The following CDHR1 variants were observed in gnomAD, a reference collection of about 807,000 sequenced individuals.
The protein encoded by CDHR1 is cadherin related family member 1, also known as cadherin-related family member 1.
Under a neutral mutation model 72.1 loss-of-function variants are expected in CDHR1, and 61 were observed. That is an observed-to-expected ratio of 0.85 (90% CI 0.69 to 1.05). The LOEUF is 1.05. Ranked by LOEUF, CDHR1 falls within the 50% of genes least tolerant of loss-of-function variation. The probability of loss-of-function intolerance (pLI) is 0.00; values close to 1 mark genes in which losing one functional copy is unlikely to be tolerated. For synonymous variants in CDHR1, 470 were observed against 448.1 expected (o/e 1.05, Z -0.62); for missense variants, 1,186 against 1,115.7 (o/e 1.06, Z -0.90).
chr10:84,206,578 C>T (rs1474480708), intron 10 of CDHR1, among the ~76,000 whole-genome samples: 1 of 152,198 alleles, frequency 6.6e-6, no homozygotes. Context: ...AGTAAGGAGC[C>T]ATTGGAAGGT....
intron 10 of CDHR1, 82 bp downstream of exon 10, chr10:84,206,009 C>A (rs2132815082): frequency 9.8e-7 from 1 of 1,025,250 alleles, no homozygotes; most frequent in Non-Finnish European, 1.5e-6. Context: ...GGCCCTTTTT[C>A]CTGGGGCCCA....
At chr10:84,206,330 GT>G (rs5786647) in intron 10 of CDHR1, among the ~76,000 whole-genome samples, 86,017 of 151,918 alleles carry the variant, frequency 0.57, 25,311 homozygotes, top group African/African-American at 0.74. Flanking sequence ...AGGAGGAAAC[GT>G]TGGACTCCCA....
intron 5 of CDHR1, among the ~76,000 whole-genome samples, chr10:84,200,025 C>T (rs1842094799): frequency 6.6e-6 from 1 of 152,112 alleles, no homozygotes; most frequent in Non-Finnish European, 1.5e-5. Context: ...ACAAAATTAG[C>T]CTGGCATGGT....
rs1343446810 is a variant in CDHR1 at position 84,218,403 on chromosome 10, T to G, written c.*3782T>G. 1.0e-6 allele frequency: 1 copy of G among 985,352 alleles called. No homozygotes were observed. The highest frequency in any genetic ancestry group is 6.1e-5 in the Admixed American group (1 of 16,266). The allele number at this position is 985,352 out of a possible 1,614,324, so 61.0% of individuals were successfully genotyped here. On this transcript the variant is annotated 3_prime_UTR_variant, in exon 17 of 17. Coordinates refer to ENST00000623527, the MANE Select transcript of CDHR1 (RefSeq NM_033100.4). ...GCCTGAATGAGGTTCGGTTATTTAT[T>G]CATTTCTCAATAATTTACTCAGCCA...
At position 84,213,190 on chromosome 10, in the gene CDHR1, G is replaced by C. The variant is rs896814669; in HGVS notation, c.1882G>C (p.Glu628Gln). 1 of 1,614,224 alleles carries C rather than the reference G, an allele frequency of 6.2e-7. No individual in the cohort carries two copies. The change falls in exon 16 of 17, where the codon GAG (glutamate) becomes CAG (glutamine). Residue 628 changes from glutamate (E) to glutamine (Q), a missense_variant. Coordinates refer to ENST00000623527, the MANE Select transcript of CDHR1 (RefSeq NM_033100.4). Reference protein sequence around the residue: ...NVFDINSHTGEIWLKNSIRSL... With the variant: ...NVFDINSHTGQIWLKNSIRSL... ...GTTCGACATCAATTCCCACACGGGG[G>C]AGATCTGGCTCAAGAATTCCATCCG...
chr10:84,200,965 G>A (rs1842114310), intron 6 of CDHR1, among the ~76,000 whole-genome samples: 1 of 152,198 alleles, frequency 6.6e-6, no homozygotes, highest in Non-Finnish European at 1.5e-5. Context: ...CCCAGGGGCT[G>A]CCACATGGGT....
intron 2 of CDHR1, among the ~76,000 whole-genome samples, chr10:84,196,299 C>G (rs1564655368): frequency 1.3e-5 from 2 of 152,226 alleles, no homozygotes; most frequent in Admixed American, 6.5e-5. Flanking sequence ...ATCATCACAA[C>G]CACCCGCTGT....
chr10:84,215,031 A>G lies in CDHR1; in HGVS notation c.*410A>G. The stretch of plus-strand genomic sequence containing the variant: ...CAGGGCCCTGGCCACGTGGAGCAAC[A>G]CTGACTAGAATCTGGATCCTGACGC... On this transcript the variant is annotated 3_prime_UTR_variant, in exon 17 of 17. Coordinates refer to ENST00000623527, the MANE Select transcript of CDHR1 (RefSeq NM_033100.4). The G allele has an allele frequency of 9.2e-7, 1 of 1,091,822 alleles. No individual in the cohort carries two copies. Among genetic ancestry groups the G allele is most frequent in the South Asian group, 2.7e-5 (1 of 36,900 alleles). 67.6% of individuals were successfully genotyped at this position (1,091,822 alleles called of 1,614,324 possible). A position where few individuals can be genotyped will look rare whatever the true frequency, so the allele number is the denominator to read the frequency against.
chr10:84,214,488 G>T lies in CDHR1; in HGVS notation c.2447G>T (p.Gly816Val). Residue 816 changes from glycine to valine, a missense_variant, in exon 17 of 17, where the codon GGC (glycine) becomes GTC (valine). Transcript: ENST00000623527. ...CAGTGGACCGTGCCTACTGTCTCTG[G>T]CTCTCTCACTCCGCAGCCGACCCAA... ...AAQWTVPTVS[G>V]SLTPQPTQPP... 6.2e-7 allele frequency: 1 copy of T among 1,607,622 alleles called. No homozygotes were observed.
chr10:84,207,022 G>A (rs773417501), intron 10 of CDHR1, among the ~76,000 whole-genome samples: 1 of 152,202 alleles, frequency 6.6e-6, no homozygotes, highest in Non-Finnish European at 1.5e-5. Flanking sequence ...GCCGTCAGGA[G>A]TACAGGACAG....
Position 84,204,511 on chromosome 10 carries a change from T to C in CDHR1, c.784-16T>C, listed in dbSNP as rs760455211. ...CATATTGCCCATCAGGCAGCGGCTG[T>C]TCCTGTTTCCCCGAGGGCTCGGAGG... On this transcript the variant is annotated splice_polypyrimidine_tract_variant and intron_variant, in intron 8 of 16. Coordinates refer to ENST00000623527, the MANE Select transcript of CDHR1 (RefSeq NM_033100.4). The C allele has an allele frequency of 1.3e-6, 2 of 1,597,738 alleles. No homozygotes were observed. Among genetic ancestry groups the C allele is most frequent in the East Asian group, 2.2e-5 (1 of 44,814 alleles).
chr10:84,203,836 G>A (rs918948549), intron 8 of CDHR1, among the ~76,000 whole-genome samples: 31 of 152,198 alleles, frequency 2.0e-4, no homozygotes, highest in African/African-American at 6.5e-4. Context: ...GTGGGCCAGC[G>A]TAGGCCCAGG....
At chr10:84,196,385 C>A in intron 2 of CDHR1, 120 bp from the exon 3 acceptor site, 2 of 1,100,128 alleles carry the variant, frequency 1.8e-6, no homozygotes, top group East Asian at 2.4e-5. Flanking sequence ...AGGGCAGTAC[C>A]TTTGGCACTG....
chr10:84,205,553 C>A (rs1314028941), intron 9 of CDHR1, among the ~76,000 whole-genome samples: 2 of 151,136 alleles, frequency 1.3e-5, no homozygotes. Flanking sequence ...CACGTGCACA[C>A]ATGCACATAT....
rs887414418 is a variant in CDHR1 at position 84,199,097 on chromosome 10, G to A, written c.414G>A (p.Glu138=). The change falls in exon 5 of 17, where the codon GAG becomes GAA. Residue 138 remains glutamate, a synonymous_variant. Transcript: ENST00000623527. ...ANDEAPRFIQ[E]PYVALVPEDI... is the part of the protein sequence containing the mutation. The stretch of plus-strand genomic sequence containing the variant: ...ATGAGGCGCCCAGGTTCATCCAGGA[G>A]CCTTATGTTGCCCTGGTTCCCGAGG... The A allele has an allele frequency of 5.2e-6, 8 of 1,551,250 alleles. No homozygotes were observed. In the African/African-American group the frequency reaches 8.2e-5, roughly 16 times the overall value.
chr10:84,199,142 G>A, intron 5 of CDHR1, 21 bp downstream of exon 5: 1 of 1,546,894 alleles, frequency 6.5e-7, no homozygotes, highest in Non-Finnish European at 8.7e-7. Context: ...AGCTGCTAGA[G>A]GGGCTGATTT....
chr10:84,218,179 C>T lies in CDHR1; in HGVS notation c.*3558C>T, dbSNP rs1842456604. 1.0e-6 allele frequency: 1 copy of T among 985,316 alleles called. No homozygotes were observed. Among genetic ancestry groups the T allele is most frequent in the Non-Finnish European group, 1.2e-6 (1 of 829,954 alleles). The allele number at this position is 985,316 out of a possible 1,614,324, so 61.0% of individuals were successfully genotyped here. A position where few individuals can be genotyped will look rare whatever the true frequency, so the allele number is the denominator to read the frequency against. On this transcript the variant is annotated 3_prime_UTR_variant, in exon 17 of 17. Coordinates refer to ENST00000623527, the MANE Select transcript of CDHR1 (RefSeq NM_033100.4). ...GCCACATGAGGAATGAGGCAGGAGA[C>T]TGGCATGTGCCACATGGAGGACCCC...
Position 84,215,076 on chromosome 10 carries a change from C to A in CDHR1, c.*455C>A. 1 of 1,060,986 alleles carries A rather than the reference C, an allele frequency of 9.4e-7. No individual in the cohort carries two copies. Among genetic ancestry groups the A allele is most frequent in the Non-Finnish European group, 1.1e-6 (1 of 875,218 alleles). 65.7% of individuals were successfully genotyped at this position (1,060,986 alleles called of 1,614,324 possible). ...TGACGCCTGCAGCTGAGAGCAGGAG[C>A]AGGAAAAGGAGGCTCAGCACTGTCT... On this transcript the variant is annotated 3_prime_UTR_variant, in exon 17 of 17. Transcript: ENST00000623527.
At chr10:84,197,765 C>T in intron 3 of CDHR1, 21 bp from the exon 4 acceptor site, 4 of 1,612,712 alleles carry the variant, frequency 2.5e-6, no homozygotes, top group Admixed American at 3.3e-5. Context: ...TGGACACTCA[C>T]TCAGTCCCTG....
Sources: allele counts gnomAD v4.1 joint callset (sites outside exome capture counted in the v4.1 genomes callset), GRCh38; gene constraint gnomAD v4.1.1; transcripts MANE v1.5; gene names NCBI Gene and HGNC (gene_info 2026-07-23, HGNC 2026-07-21).